Variants in ZC3H12B observed in about 807,000 individuals in gnomAD.
ZC3H12B encodes the protein zinc finger CCCH-type containing 12B, also known as probable ribonuclease ZC3H12B.
Under a neutral mutation model 43.9 loss-of-function variants are expected in ZC3H12B, and 7 were observed. The ratio of observed to expected loss-of-function variants is 0.16; its 90% CI spans 0.09 to 0.30. The LOEUF (loss-of-function observed/expected upper bound fraction) is 0.30, where lower values mean the gene tolerates loss of function less well. ZC3H12B is among the 10% of genes least tolerant of loss of function. The probability of loss-of-function intolerance (pLI) is 1.00; values close to 1 mark genes in which losing one functional copy is unlikely to be tolerated. For synonymous variants in ZC3H12B, 222 were observed against 241.7 expected (o/e 0.92, Z 0.76); for missense variants, 475 against 670.2 (o/e 0.71, Z 3.22).
At chrX:65,482,734 T>C (rs1485698292) in intron 3 of ZC3H12B, among the ~76,000 whole-genome samples, 1 of 112,088 alleles carries the variant, frequency 8.9e-6, no homozygotes, top group Non-Finnish European at 1.9e-5. Context: ...TGTGTAGTAC[T>C]AAATGTTTTA....
chrX:65,291,158 A>G, the ZC3H12B span, among the ~76,000 whole-genome samples: 1 of 111,663 alleles, frequency 9.0e-6, no homozygotes, highest in Non-Finnish European at 1.9e-5. Context: ...AGTGTTGGCT[A>G]GAATGTGGAG....
chrX:65,252,593 G>T, the ZC3H12B span, among the ~76,000 whole-genome samples: 2 of 111,749 alleles, frequency 1.8e-5, no homozygotes, highest in African/African-American at 6.5e-5. Flanking sequence ...GCTGCATAGT[G>T]AACTCAGACT....
the ZC3H12B span, among the ~76,000 whole-genome samples, chrX:65,309,183 CA>C: frequency 1.9e-5 from 2 of 108,033 alleles, no homozygotes; most frequent in African/African-American, 6.8e-5. Flanking sequence ...AAAAACCCTT[CA>C]AAAAAATCAA....
the ZC3H12B span, among the ~76,000 whole-genome samples, chrX:65,108,109 A>G: frequency 4.5e-5 from 5 of 111,277 alleles, no homozygotes; most frequent in Non-Finnish European, 9.4e-5. Flanking sequence ...CAGAACTGGA[A>G]GTTGCTCTGG....
chrX:65,067,861 G>A, the ZC3H12B span, among the ~76,000 whole-genome samples: 1 of 110,732 alleles, frequency 9.0e-6, no homozygotes, highest in Non-Finnish European at 1.9e-5. Context: ...CTTTTTTGAT[G>A]TAGGCATTGG....
intron 3 of ZC3H12B, among the ~76,000 whole-genome samples, chrX:65,445,302 G>A (rs761926429): frequency 1.8e-5 from 2 of 111,842 alleles, no homozygotes; most frequent in South Asian, 7.5e-4. Context: ...GAAGACTTAG[G>A]CATTTATTGT....
chrX:65,454,828 G>A (rs918915958), intron 3 of ZC3H12B, among the ~76,000 whole-genome samples: 19 of 111,737 alleles, frequency 1.7e-4, no homozygotes, highest in Admixed American at 4.8e-4. Context: ...ACCAATATCC[G>A]CTGTTCTGCA....
At chrX:65,163,507 T>G in the ZC3H12B span, among the ~76,000 whole-genome samples, 1 of 111,342 alleles carries the variant, frequency 9.0e-6, no homozygotes, top group Non-Finnish European at 1.9e-5. Flanking sequence ...GCTGCCACCT[T>G]GCAGTTTGAT....
the ZC3H12B span, among the ~76,000 whole-genome samples, chrX:65,360,823 G>A: frequency 1.8e-5 from 2 of 112,168 alleles, no homozygotes; most frequent in Admixed American, 1.9e-4. Flanking sequence ...ACAAATTGTG[G>A]TATATGCATT....
At chrX:65,087,758 G>C in the ZC3H12B span, among the ~76,000 whole-genome samples, 1 of 111,998 alleles carries the variant, frequency 8.9e-6, no homozygotes, top group African/African-American at 3.2e-5. Flanking sequence ...AAGGAACTGA[G>C]AGTACAGAAA....
the ZC3H12B span, among the ~76,000 whole-genome samples, chrX:65,094,286 C>T: frequency 9.4e-6 from 1 of 106,741 alleles, no homozygotes; most frequent in African/African-American, 3.4e-5. Context: ...AATAAATTAC[C>T]AAGTGTCAGG....
At chrX:65,203,074 C>T in the ZC3H12B span, among the ~76,000 whole-genome samples, 2 of 111,645 alleles carry the variant, frequency 1.8e-5, no homozygotes, top group Non-Finnish European at 3.8e-5. Flanking sequence ...CACTCAAGGC[C>T]CTAGTGCTCT....
At chrX:65,129,983 A>G in the ZC3H12B span, among the ~76,000 whole-genome samples, 38 of 111,785 alleles carry the variant, frequency 3.4e-4, no homozygotes, top group South Asian at 0.011. Flanking sequence ...AGAAGACACA[A>G]GGTCCAAATA....
the ZC3H12B span, among the ~76,000 whole-genome samples, chrX:65,321,954 C>T: frequency 2.7e-5 from 3 of 111,005 alleles, no homozygotes; most frequent in African/African-American, 9.8e-5. Flanking sequence ...TGTTTAATAC[C>T]TGGGTGATTA....
chrX:65,491,273 C>T (rs997040322), intron 1 of ZC3H12B, among the ~76,000 whole-genome samples: 1 of 111,965 alleles, frequency 8.9e-6, no homozygotes, highest in Non-Finnish European at 1.9e-5. Flanking sequence ...TTCATCTTTG[C>T]AGGTGAAGAG....
intron 3 of ZC3H12B, among the ~76,000 whole-genome samples, chrX:65,477,221 G>T (rs1286630054): frequency 1.8e-5 from 2 of 109,463 alleles, no homozygotes; most frequent in Admixed American, 9.8e-5. Flanking sequence ...TGGCTGACTG[G>T]TCTAGGGGAT....
At chrX:65,045,437 C>T in the ZC3H12B span, among the ~76,000 whole-genome samples, 1 of 111,874 alleles carries the variant, frequency 8.9e-6, no homozygotes, top group African/African-American at 3.2e-5. Flanking sequence ...GCATTTTCTC[C>T]AGCAGTAGAT....
At chrX:65,139,609 T>C in the ZC3H12B span, among the ~76,000 whole-genome samples, 1 of 88,796 alleles carries the variant, frequency 1.1e-5, no homozygotes, top group Non-Finnish European at 1.9e-5. Context: ...CCTTTTAATA[T>C]TTCTATGAAA....
chrX:65,246,297 G>A, the ZC3H12B span, among the ~76,000 whole-genome samples: 1 of 112,097 alleles, frequency 8.9e-6, no homozygotes, highest in Non-Finnish European at 1.9e-5. Flanking sequence ...AATGCTCATA[G>A]ATAGGAATAA....
Sources: gnomAD v4.1 joint callset for allele counts (sites outside exome capture counted in the v4.1 genomes callset) on GRCh38, gnomAD v4.1.1 for gene constraint, MANE v1.5 for transcripts, NCBI Gene and HGNC (gene_info 2026-07-23, HGNC 2026-07-21) for gene names.